The following SCARA3 variants were observed in gnomAD, a reference collection of about 807,000 sequenced individuals.
SCARA3 encodes scavenger receptor class A member 3, also known as cellular stress response gene protein.
SCARA3 carries 39 observed loss-of-function variants against 47.0 expected under a neutral mutation model. The observed-to-expected ratio is 0.83, with a 90% CI of 0.64 to 1.08. The LOEUF is 1.08. Ranked by LOEUF, SCARA3 falls within the 50% of genes least tolerant of loss-of-function variation. SCARA3 has a pLI of 0.00. For synonymous variants in SCARA3, 356 were observed against 334.1 expected, an observed-to-expected ratio of 1.07 and a Z score of -0.71; for missense variants, 724 against 792.3, an observed-to-expected ratio of 0.91 and a Z score of 1.04.
the SCARA3 span, among the ~76,000 whole-genome samples, chr8:27,698,523 C>T: frequency 1.1e-4 from 17 of 151,734 alleles, no homozygotes; most frequent in Non-Finnish European, 2.1e-4. Flanking sequence ...TCCTCCCCAA[C>T]GAAATAAGAC....
intron 1 of SCARA3, among the ~76,000 whole-genome samples, chr8:27,639,630 G>A (rs1448864431): frequency 6.6e-6 from 1 of 152,224 alleles, no homozygotes; most frequent in Non-Finnish European, 1.5e-5. Context: ...AGAGACCTGG[G>A]AGGGTTTGTC....
the SCARA3 span, among the ~76,000 whole-genome samples, chr8:27,729,300 A>G: frequency 6.6e-6 from 1 of 152,306 alleles, no homozygotes; most frequent in African/African-American, 2.4e-5. Context: ...AGCTGCCCTA[A>G]AGGAAGAGCT....
the SCARA3 span, among the ~76,000 whole-genome samples, chr8:27,718,051 A>G: frequency 1.9e-3 from 293 of 152,334 alleles, no homozygotes; most frequent in Non-Finnish European, 3.5e-3. Flanking sequence ...CCGCACACGC[A>G]TGGCCTTATC....
At chr8:27,647,216 C>T (rs1801523770) in intron 1 of SCARA3, among the ~76,000 whole-genome samples, 1 of 152,214 alleles carries the variant, frequency 6.6e-6, no homozygotes, top group African/African-American at 2.4e-5. Context: ...TATACTCACA[C>T]ATGCATCGGA....
At chr8:27,665,768 G>C (rs1212425928) in intron 5 of SCARA3, among the ~76,000 whole-genome samples, 1 of 152,190 alleles carries the variant, frequency 6.6e-6, no homozygotes, top group Admixed American at 6.5e-5. Context: ...GTTCACAATG[G>C]GTGTGAACAA....
At chr8:27,669,067 A>G (rs1232761171) in intron 5 of SCARA3, among the ~76,000 whole-genome samples, 1 of 151,896 alleles carries the variant, frequency 6.6e-6, no homozygotes, top group Non-Finnish European at 1.5e-5. Flanking sequence ...CCAGAAGGCG[A>G]GAGTGGAGAG....
intron 3 of SCARA3, among the ~76,000 whole-genome samples, chr8:27,655,581 G>T (rs1801725893): frequency 6.6e-6 from 1 of 152,136 alleles, no homozygotes; most frequent in African/African-American, 2.4e-5. Context: ...CTTCAAAAAT[G>T]TTAATACCCT....
intron 5 of SCARA3, among the ~76,000 whole-genome samples, chr8:27,661,344 A>AAC (rs1801909524): frequency 6.6e-6 from 1 of 152,140 alleles, no homozygotes; most frequent in Admixed American, 6.5e-5. Context: ...TACAACCAAA[A>AAC]ACACACACAC....
chr8:27,712,173 T>C, the SCARA3 span, among the ~76,000 whole-genome samples: 5 of 152,342 alleles, frequency 3.3e-5, no homozygotes, highest in African/African-American at 1.2e-4. Flanking sequence ...TTAACTGTCT[T>C]CATAGTTTTG....
chr8:27,727,469 G>T, the SCARA3 span, among the ~76,000 whole-genome samples: 3 of 152,104 alleles, frequency 2.0e-5, no homozygotes, highest in Non-Finnish European at 4.4e-5. Flanking sequence ...CTAGGACACT[G>T]GTGGTATCCA....
the SCARA3 span, among the ~76,000 whole-genome samples, chr8:27,725,858 T>C: frequency 1.3e-5 from 2 of 152,218 alleles, no homozygotes; most frequent in Non-Finnish European, 2.9e-5. Context: ...GAGAATGGGA[T>C]GTTTAGGGGC....
chr8:27,704,101 A>G, the SCARA3 span, among the ~76,000 whole-genome samples: 1 of 152,022 alleles, frequency 6.6e-6, no homozygotes, highest in African/African-American at 2.4e-5. Context: ...GAAGAAGTCA[A>G]AGCTAAAGGA....
intron 1 of SCARA3, among the ~76,000 whole-genome samples, chr8:27,647,707 T>TA (rs1262222805): frequency 2.0e-5 from 3 of 152,176 alleles, no homozygotes; most frequent in African/African-American, 7.2e-5. Flanking sequence ...AACAGGGCCT[T>TA]ACGCTAGTCT....
the SCARA3 span, among the ~76,000 whole-genome samples, chr8:27,722,642 T>C: frequency 6.6e-6 from 1 of 152,158 alleles, no homozygotes; most frequent in Admixed American, 6.5e-5. Context: ...AGCCCTACTA[T>C]CCCCAGCCTT....
downstream of SCARA3, among the ~76,000 whole-genome samples, chr8:27,680,627 C>A (rs2128925795): frequency 6.6e-6 from 1 of 152,176 alleles, no homozygotes; most frequent in Non-Finnish European, 1.5e-5. Flanking sequence ...TTAAGAAATA[C>A]ATAATGCCAA....
intron 5 of SCARA3, 37 bp downstream of exon 5, chr8:27,659,576 T>C (rs768629007): frequency 1.3e-6 from 2 of 1,530,882 alleles, no homozygotes; most frequent in East Asian, 2.3e-5. Flanking sequence ...CTACAAAGCT[T>C]CCACTGAGGC....
At position 27,651,617 on chromosome 8, in the gene SCARA3, G is replaced by A; in HGVS notation, c.216G>A (p.Leu72=). Residue 72 remains leucine (L), a synonymous_variant, in exon 3 of 6, where the codon TTG becomes TTA. Coordinates refer to ENST00000301904, the MANE Select transcript of SCARA3 (RefSeq NM_016240.3). ...TGCTCCTGGTGGCCGTGGCTGTGTT[G>A]GCCTCTCTGGGTGAGTCCGGGGCTT... ...LALLLVAVAV[L]ASLVFRKVDS... is the part of the protein sequence containing the mutation. 1 of 1,613,980 alleles carries A rather than the reference G, an allele frequency of 6.2e-7. No homozygotes were observed. The highest frequency in any genetic ancestry group is 8.5e-7 in the Non-Finnish European group (1 of 1,179,972).
the SCARA3 span, among the ~76,000 whole-genome samples, chr8:27,692,749 G>T: frequency 2.6e-5 from 4 of 152,104 alleles, no homozygotes; most frequent in Non-Finnish European, 5.9e-5. Flanking sequence ...ATGTTGGCCT[G>T]CACAACCCCT....
chr8:27,639,195 G>A (rs996959853), intron 1 of SCARA3, among the ~76,000 whole-genome samples: 4 of 152,198 alleles, frequency 2.6e-5, no homozygotes, highest in African/African-American at 7.2e-5. Context: ...CAGCCAACAT[G>A]TATGGAGTTC....
Sources: gnomAD v4.1 joint callset for allele counts (sites outside exome capture counted in the v4.1 genomes callset) on GRCh38, gnomAD v4.1.1 for gene constraint, MANE v1.5 for transcripts, NCBI Gene and HGNC (gene_info 2026-07-23, HGNC 2026-07-21) for gene names.